The following BMP6 variants were observed in gnomAD, a reference collection of about 807,000 sequenced individuals.
The protein encoded by BMP6 is bone morphogenetic protein 6.
A neutral mutation model predicts 54.1 loss-of-function variants in BMP6; 17 were observed. That is an observed-to-expected ratio of 0.31 (90% CI 0.22 to 0.47). The LOEUF is 0.47. BMP6 is among the 20% of genes least tolerant of loss of function. BMP6 has a pLI of 1.00. For synonymous variants in BMP6, 328 were observed against 291.2 expected (o/e 1.13, Z -1.28); for missense variants, 720 against 690.4 (o/e 1.04, Z -0.48).
intron 1 of BMP6, among the ~76,000 whole-genome samples, chr6:7,753,153 C>T (rs1229161472): frequency 6.6e-6 from 1 of 152,186 alleles, no homozygotes; most frequent in East Asian, 1.9e-4. Flanking sequence ...TTAAAGCTAG[C>T]CCTGACCTCA....
chr6:7,826,627 G>GT (rs1758702473), intron 1 of BMP6, among the ~76,000 whole-genome samples: 1 of 152,222 alleles, frequency 6.6e-6, no homozygotes, highest in Non-Finnish European at 1.5e-5. Flanking sequence ...GTCAAAGGTG[G>GT]TTTGAACAAT....
chr6:7,813,108 A>ATATATAT (rs1334488067), intron 1 of BMP6, among the ~76,000 whole-genome samples: 1 of 21,494 alleles, frequency 4.7e-5, no homozygotes, highest in Non-Finnish European at 7.6e-5. Context: ...AAAAAAAAAA[A>ATATATAT]ATATATATAT....
At chr6:7,729,971 G>T (rs1761823071) in intron 1 of BMP6, among the ~76,000 whole-genome samples, 2 of 152,204 alleles carry the variant, frequency 1.3e-5, no homozygotes, top group Non-Finnish European at 2.9e-5. Context: ...CTCCTGAGTT[G>T]CTGGGAAGAT....
chr6:7,726,808 G>T lies in BMP6; in HGVS notation c.-148G>T, dbSNP rs146270780. The T allele has an allele frequency of 6.1e-3, 2,128 of 346,312 alleles. 6 individuals are homozygous for T. Among genetic ancestry groups the T allele is most frequent in the Non-Finnish European group, 7.8e-3 (1,834 of 234,462 alleles). The allele number at this position is 346,312 out of a possible 1,614,324, so 21.5% of individuals were successfully genotyped here. On this transcript the variant is annotated 5_prime_UTR_variant, in exon 1 of 7. Coordinates refer to ENST00000283147, the MANE Select transcript of BMP6 (RefSeq NM_001718.6). Reference sequence around the variant, plus strand: ...GGGGGCGCCCCGGACGACCATGAGAGATAAGGACTGAGGGCCAGGAAGGGG... The same window carrying T: ...GGGGGCGCCCCGGACGACCATGAGATATAAGGACTGAGGGCCAGGAAGGGG...
chr6:7,821,052 G>A (rs1482742671), intron 1 of BMP6, among the ~76,000 whole-genome samples: 1 of 152,248 alleles, frequency 6.6e-6, no homozygotes, highest in Non-Finnish European at 1.5e-5. Context: ...CCAGTGCCTC[G>A]GGTCTGCAGC....
In BMP6 at chr6:7,880,256, C is replaced by T; in HGVS notation, c.1455C>T (p.Ala485=). Residue 485 remains alanine (A), a synonymous_variant, in exon 7 of 7, where the codon GCC becomes GCT. Transcript: ENST00000283147. Reference sequence around the variant, plus strand: ...GCTGTGCGCCAACTAAGCTAAATGCCATCTCGGTTCTTTACTTTGATGACA... The same window carrying T: ...GCTGTGCGCCAACTAAGCTAAATGCTATCTCGGTTCTTTACTTTGATGACA... ...KPCCAPTKLN[A]ISVLYFDDNS... is the part of the protein sequence containing the mutation. 2 of 1,614,166 alleles carry T rather than the reference C, an allele frequency of 1.2e-6. No homozygotes were observed. Among genetic ancestry groups the T allele is most frequent in the Non-Finnish European group, 1.7e-6 (2 of 1,180,038 alleles).
intron 1 of BMP6, among the ~76,000 whole-genome samples, chr6:7,791,555 C>T (rs988311231): frequency 6.6e-6 from 1 of 152,148 alleles, no homozygotes; most frequent in Admixed American, 6.5e-5. Context: ...TTCAGTTGGT[C>T]CTTGAGCTGC....
intron 1 of BMP6, among the ~76,000 whole-genome samples, chr6:7,780,421 C>G (rs1349225112): frequency 6.6e-6 from 1 of 151,972 alleles, no homozygotes; most frequent in Non-Finnish European, 1.5e-5. Context: ...TGGTGGCTGG[C>G]CCCTGTAATC....
chr6:7,762,664 C>G (rs1757630602), intron 1 of BMP6, among the ~76,000 whole-genome samples: 2 of 152,204 alleles, frequency 1.3e-5, no homozygotes, highest in Admixed American at 1.3e-4. Context: ...AACATAATTG[C>G]ATCTGTAACA....
At chr6:7,800,211 C>T (rs1439573243) in intron 1 of BMP6, among the ~76,000 whole-genome samples, 2 of 151,984 alleles carry the variant, frequency 1.3e-5, no homozygotes, top group Non-Finnish European at 2.9e-5. Flanking sequence ...TCCTTTATCT[C>T]AGATGCCTGT....
chr6:7,745,058 G>A (rs1377977921), intron 1 of BMP6, among the ~76,000 whole-genome samples: 2 of 152,210 alleles, frequency 1.3e-5, no homozygotes, highest in African/African-American at 4.8e-5. Context: ...TAATCTGTGG[G>A]AGGGTCAGTC....
rs968052705 is a variant in BMP6, at chr6:7,862,410, C to T, written c.1116C>T (p.Thr372=). The T allele has an allele frequency of 1.2e-6, 2 of 1,614,088 alleles. No individual in the cohort carries two copies. Among genetic ancestry groups the T allele is most frequent in the African/African-American group, 1.3e-5 (1 of 74,930 alleles). The change falls in exon 4 of 7, where the codon ACC becomes ACT. Residue 372 remains threonine, a synonymous_variant. Coordinates refer to ENST00000283147, the MANE Select transcript of BMP6 (RefSeq NM_001718.6). Reference sequence around the variant, plus strand: ...AAGTGAGTGAGGTGCACGTGCGCACCACCAGGTCAGCCTCCAGCCGGCGCC... The same window carrying T: ...AAGTGAGTGAGGTGCACGTGCGCACTACCAGGTCAGCCTCCAGCCGGCGCC... The part of the protein sequence containing the change: ...FFKVSEVHVR[T]TRSASSRRRQ...
At position 7,813,458 on chromosome 6, in the gene BMP6, CAAAAAAAAAAA is replaced by C. The variant is rs58314970; in HGVS notation, c.665-31669_665-31659del. On this transcript the variant is annotated intron_variant, in intron 1 of 6. Transcript: ENST00000283147. ...CAACATAGTGAGATCCCTGTCTCTA[CAAAAAAAAAAA>C]AAAAAAAAAAAACTATTTAAAAAAC... Among the ~76,000 whole-genome samples, 128 of 64,374 alleles carry C rather than the reference CAAAAAAAAAAA, an allele frequency of 2.0e-3. No individual in the cohort carries two copies. The South Asian group carries it at 0.056, about 28-fold the overall frequency. The allele number at this position is 64,374 out of a possible 152,430, so 42.2% of individuals were successfully genotyped here.
chr6:7,831,410 G>A (rs1256709472), intron 1 of BMP6, among the ~76,000 whole-genome samples: 1 of 152,088 alleles, frequency 6.6e-6, no homozygotes, highest in African/African-American at 2.4e-5. Flanking sequence ...GTACTAAAAC[G>A]CCACTGAATT....
rs1049194329 is a variant in BMP6, at chr6:7,879,224, A to G, written c.1281+74A>G. On this transcript the variant is annotated intron_variant, in intron 5 of 6. Transcript: ENST00000283147. ...TCTCATCTGAATGGTGGCAGCCATTACCAAACACCCAGAGCTTGATTGAAG... is the reference window on the plus strand; with the variant it reads ...TCTCATCTGAATGGTGGCAGCCATTGCCAAACACCCAGAGCTTGATTGAAG... 8.4e-5 allele frequency: 121 copies of G among 1,433,630 alleles called. No homozygotes were observed. The African/African-American group carries it at 1.6e-3, about 19-fold the overall frequency. The allele number at this position is 1,433,630 out of a possible 1,614,324, so 88.8% of individuals were successfully genotyped here.
At chr6:7,740,303 G>A (rs1306476800) in intron 1 of BMP6, among the ~76,000 whole-genome samples, 1 of 152,144 alleles carries the variant, frequency 6.6e-6, no homozygotes, top group East Asian at 1.9e-4. Flanking sequence ...CATGCGCCAA[G>A]TGTGGTCCCA....
chr6:7,773,089 A>G (rs1757814201), intron 1 of BMP6, among the ~76,000 whole-genome samples: 4 of 152,224 alleles, frequency 2.6e-5, no homozygotes, highest in Admixed American at 2.6e-4. Context: ...AAAATGGCAG[A>G]AGAAAAATGC....
intron 1 of BMP6, among the ~76,000 whole-genome samples, chr6:7,753,634 C>A (rs770920144): frequency 2.0e-5 from 3 of 152,210 alleles, no homozygotes; most frequent in Non-Finnish European, 4.4e-5. Context: ...AGTCATACTT[C>A]AATGGCAGTG....
chr6:7,768,206 C>T (rs1215604054), intron 1 of BMP6, among the ~76,000 whole-genome samples: 1 of 152,148 alleles, frequency 6.6e-6, no homozygotes, highest in Admixed American at 6.5e-5. Context: ...TCCCTTTCCT[C>T]TCCCACTGTG....
Sources: gnomAD v4.1 joint callset for allele counts (sites outside exome capture counted in the v4.1 genomes callset) on GRCh38, gnomAD v4.1.1 for gene constraint, MANE v1.5 for transcripts, NCBI Gene and HGNC (gene_info 2026-07-23, HGNC 2026-07-21) for gene names.